Variants in NOL4 observed in about 807,000 individuals in gnomAD.
NOL4 encodes the protein nucleolar protein 4, also known as cancer/testis antigen 125.
A neutral mutation model predicts 75.9 loss-of-function variants in NOL4; 17 were observed. The observed-to-expected ratio is 0.22, with a 90% CI of 0.15 to 0.34. NOL4 has a LOEUF of 0.34. Ranked by LOEUF, NOL4 falls within the 10% of genes least tolerant of loss-of-function variation. The pLI, the probability that NOL4 is intolerant of heterozygous loss-of-function variation, is 1.00. For synonymous variants in NOL4, 292 were observed against 289.9 expected, an observed-to-expected ratio of 1.01 and a Z score of -0.07; for missense variants, 614 against 793.5, an observed-to-expected ratio of 0.77 and a Z score of 2.72.
intron 4 of NOL4, 46 bp downstream of exon 4, chr18:34,104,001 T>A: frequency 7.8e-7 from 1 of 1,281,672 alleles, no homozygotes; most frequent in Non-Finnish European, 1.1e-6. Context: ...TTATCAAGCT[T>A]CGTTCCAATT....
intron 5 of NOL4, among the ~76,000 whole-genome samples, chr18:34,021,434 C>T (rs1213264288): frequency 6.6e-6 from 1 of 151,650 alleles, no homozygotes; most frequent in Admixed American, 6.6e-5. Flanking sequence ...GTCTGGAGTG[C>T]AAGAAAAGAG....
At chr18:33,978,791 AAAT>A (rs1296736628) in intron 6 of NOL4, among the ~76,000 whole-genome samples, 1 of 151,790 alleles carries the variant, frequency 6.6e-6, no homozygotes, top group African/African-American at 2.4e-5. Context: ...AATGCTATTT[AAAT>A]AATTATTATA....
intron 5 of NOL4, among the ~76,000 whole-genome samples, chr18:34,020,125 A>C (rs2074953683): frequency 6.6e-6 from 1 of 152,112 alleles, no homozygotes. Flanking sequence ...GCTGTAACCC[A>C]AATAATCCTT....
At chr18:34,172,037 A>C (rs4482370) in intron 1 of NOL4, among the ~76,000 whole-genome samples, 75,229 of 151,398 alleles carry the variant, frequency 0.5, 18,706 homozygotes, top group Admixed American at 0.56. Context: ...CCTCAAAATG[A>C]GAACTTGACT....
At chr18:34,000,148 T>C (rs758852875) in intron 6 of NOL4, among the ~76,000 whole-genome samples, 3 of 152,138 alleles carry the variant, frequency 2.0e-5, no homozygotes, top group South Asian at 4.1e-4. Flanking sequence ...AGATAACAAA[T>C]AGTCTTGTAG....
chr18:34,007,367 C>T (rs1196673791), intron 6 of NOL4, among the ~76,000 whole-genome samples: 10 of 151,958 alleles, frequency 6.6e-5, no homozygotes, highest in Admixed American at 5.9e-4. Flanking sequence ...ACTAATAACC[C>T]ATACTCTTCA....
At chr18:33,933,765 C>G (rs1224276186) in intron 9 of NOL4, among the ~76,000 whole-genome samples, 1 of 152,140 alleles carries the variant, frequency 6.6e-6, no homozygotes, top group Non-Finnish European at 1.5e-5. Flanking sequence ...GTTACCTCCA[C>G]TAGTAAAGTC....
At chr18:33,860,639 T>A (rs1218207674) in intron 10 of NOL4, among the ~76,000 whole-genome samples, 1 of 151,168 alleles carries the variant, frequency 6.6e-6, no homozygotes, top group African/African-American at 2.4e-5. Context: ...TTCTCCTGCC[T>A]AATTGCCCTG....
At chr18:33,980,623 T>G (rs2071875761) in intron 6 of NOL4, among the ~76,000 whole-genome samples, 1 of 151,672 alleles carries the variant, frequency 6.6e-6, no homozygotes, top group Non-Finnish European at 1.5e-5. Context: ...AGAGAAAAAC[T>G]GAGAAGCATT....
chr18:33,911,727 T>A (rs923604727), intron 9 of NOL4, among the ~76,000 whole-genome samples: 1 of 152,154 alleles, frequency 6.6e-6, no homozygotes, highest in Admixed American at 6.6e-5. Flanking sequence ...CTTCTTCGTT[T>A]CTGGGGAACA....
intron 2 of NOL4, among the ~76,000 whole-genome samples, chr18:34,129,148 G>A (rs1378720274): frequency 2.0e-5 from 3 of 151,792 alleles, no homozygotes; most frequent in Non-Finnish European, 4.4e-5. Context: ...AGATTAAAGT[G>A]TCTAGATCAA....
chr18:34,222,673 A>C (rs1414297505), intron 1 of NOL4, among the ~76,000 whole-genome samples: 1 of 152,194 alleles, frequency 6.6e-6, no homozygotes, highest in Non-Finnish European at 1.5e-5. Flanking sequence ...ACAATGGCCC[A>C]GCCCGAGGAC....
At chr18:33,899,934 A>T (rs2065650237) in intron 9 of NOL4, among the ~76,000 whole-genome samples, 1 of 152,112 alleles carries the variant, frequency 6.6e-6, no homozygotes, top group Non-Finnish European at 1.5e-5. Context: ...ATTATGGCCC[A>T]TTTCTGTGTA....
At chr18:34,018,521 G>C (rs989312964) in intron 6 of NOL4, among the ~76,000 whole-genome samples, 12 of 152,090 alleles carry the variant, frequency 7.9e-5, no homozygotes, top group South Asian at 2.1e-4. Flanking sequence ...CTACAACTCT[G>C]ACTTAGAGGT....
At chr18:33,962,235 C>T (rs186492935) in intron 6 of NOL4, among the ~76,000 whole-genome samples, 2 of 152,280 alleles carry the variant, frequency 1.3e-5, no homozygotes, top group South Asian at 2.1e-4. Flanking sequence ...CACCCACCCA[C>T]ATGCTTTTAA....
At chr18:33,883,793 A>C (rs2064460388) in intron 9 of NOL4, among the ~76,000 whole-genome samples, 1 of 152,156 alleles carries the variant, frequency 6.6e-6, no homozygotes, top group Non-Finnish European at 1.5e-5. Context: ...AAATGAAAGA[A>C]ACCCTGTCAT....
At position 34,095,251 on chromosome 18, in the gene NOL4, ATG is replaced by A. The variant is rs60017439; in HGVS notation, c.640-1656_640-1655del. ...ACTCCAATTCTAAATTCTAATGTGTATGTGTGTGTGTGTGTGTGTGTGTGTGT... is the reference window on the plus strand; with the variant it reads ...ACTCCAATTCTAAATTCTAATGTGTATGTGTGTGTGTGTGTGTGTGTGTGT... On this transcript the variant is annotated intron_variant, in intron 4 of 10. Transcript: ENST00000261592. 6.1e-3 allele frequency among the ~76,000 whole-genome samples: 874 copies of A among 144,294 alleles called. 6 individuals carry two copies. Among genetic ancestry groups the A allele is most frequent in the African/African-American group, 0.015 (572 of 39,078 alleles). 94.7% of individuals were successfully genotyped at this position (144,294 alleles called of 152,430 possible). A position where few individuals can be genotyped will look rare whatever the true frequency, so the allele number is the denominator to read the frequency against.
At chr18:33,862,659 C>G (rs1291418066) in intron 10 of NOL4, among the ~76,000 whole-genome samples, 1 of 152,126 alleles carries the variant, frequency 6.6e-6, no homozygotes, top group Non-Finnish European at 1.5e-5. Flanking sequence ...AGCCAAAAAA[C>G]ACATGAAAAA....
chr18:34,030,973 C>T (rs1285334568), intron 5 of NOL4, among the ~76,000 whole-genome samples: 1 of 151,598 alleles, frequency 6.6e-6, no homozygotes, highest in Non-Finnish European at 1.5e-5. Context: ...GAGAACAAGT[C>T]ATGGTGGGGA....
Sources: allele counts gnomAD v4.1 joint callset (sites outside exome capture counted in the v4.1 genomes callset), GRCh38; gene constraint gnomAD v4.1.1; transcripts MANE v1.5; gene names NCBI Gene and HGNC (gene_info 2026-07-23, HGNC 2026-07-21).